GRHL2: variants seen among roughly 807,000 people sequenced by gnomAD.
The protein encoded by GRHL2 is grainyhead-like protein 2 homolog.
A neutral mutation model predicts 83.8 loss-of-function variants in GRHL2; 21 were observed. The observed-to-expected ratio is 0.25, with a 90% CI of 0.18 to 0.36. The LOEUF (loss-of-function observed/expected upper bound fraction) is 0.36. Ranked by LOEUF, GRHL2 falls within the 10% of genes least tolerant of loss-of-function variation. The pLI is 1.00. For synonymous variants in GRHL2, 280 were observed against 278.9 expected, an observed-to-expected ratio of 1.00 and a Z score of -0.04; for missense variants, 623 against 781.8, an observed-to-expected ratio of 0.80 and a Z score of 2.42.
Position 101,650,692 on chromosome 8 carries a change from G to A in GRHL2, c.1698+1193G>A, listed in dbSNP as rs184828246. 4.6e-5 allele frequency among the ~76,000 whole-genome samples: 7 copies of A among 152,062 alleles called. No homozygotes were observed. The South Asian group carries it at 8.3e-4, about 18-fold the overall frequency. ...ACAACTGCTTAATGGGTTTTCTTTG[G>A]GGGGGATGAAAATGTTTCGGAATTA... On this transcript the variant is annotated intron_variant, in intron 14 of 15. Coordinates refer to ENST00000646743, the MANE Select transcript of GRHL2 (RefSeq NM_024915.4).
At position 101,582,300 on chromosome 8, in the gene GRHL2, G is replaced by A. The variant is rs544430285; in HGVS notation, c.1003+4781G>A. On this transcript the variant is annotated intron_variant, in intron 7 of 15. Coordinates refer to ENST00000646743, the MANE Select transcript of GRHL2 (RefSeq NM_024915.4). ...AAAGTCTGATAACACTATTAGCCAA[G>A]GTGGAAGGGGTGGATACTCTCATGC... Among the ~76,000 whole-genome samples, 3 of 152,048 alleles carry A rather than the reference G, an allele frequency of 2.0e-5. No homozygotes were observed. The South Asian group carries it at 6.2e-4, about 32-fold the overall frequency.
intron 4 of GRHL2, among the ~76,000 whole-genome samples, chr8:101,564,877 C>T (rs1043581480): frequency 4.0e-5 from 6 of 150,142 alleles, no homozygotes; most frequent in South Asian, 2.1e-4. Context: ...TATTTTATTC[C>T]ACATCCTCTT....
At chr8:101,550,513 A>G (rs893716822) in intron 2 of GRHL2, among the ~76,000 whole-genome samples, 1 of 152,308 alleles carries the variant, frequency 6.6e-6, no homozygotes, top group African/African-American at 2.4e-5. Context: ...ATCTTGCTGC[A>G]AAGGACATGA....
chr8:101,658,754 A>G (rs1182207865), intron 14 of GRHL2, among the ~76,000 whole-genome samples: 2 of 152,152 alleles, frequency 1.3e-5, no homozygotes, highest in Non-Finnish European at 2.9e-5. Context: ...GAGTGGAAAA[A>G]AGTCCCTATT....
chr8:101,661,984 C>T (rs538944043), intron 14 of GRHL2, among the ~76,000 whole-genome samples: 90 of 152,268 alleles, frequency 5.9e-4, no homozygotes, highest in Non-Finnish European at 1.1e-3. Flanking sequence ...TTTTGCTTTG[C>T]GCTTTGAAAT....
downstream of GRHL2, among the ~76,000 whole-genome samples, chr8:101,673,515 A>C: frequency 9.5e-6 from 1 of 105,524 alleles, no homozygotes; most frequent in African/African-American, 3.9e-5. Context: ...TCCTAAATAT[A>C]TATATTTAGG....
At chr8:101,514,568 G>C (rs558370157) in intron 1 of GRHL2, among the ~76,000 whole-genome samples, 2 of 152,302 alleles carry the variant, frequency 1.3e-5, no homozygotes, top group Admixed American at 6.5e-5. Flanking sequence ...CATGGAATCT[G>C]GGTCAGTACA....
chr8:101,529,342 A>T (rs1285768739), intron 1 of GRHL2: 2 of 177,838 alleles, frequency 1.1e-5, no homozygotes, highest in Non-Finnish European at 2.3e-5. Context: ...CTGAGGCAGG[A>T]TAATCGCTTG....
chr8:101,638,028 G>A (rs1461441189), intron 12 of GRHL2, among the ~76,000 whole-genome samples: 1 of 152,138 alleles, frequency 6.6e-6, no homozygotes, highest in African/African-American at 2.4e-5. Context: ...ATTATATTGG[G>A]AGATTTCTTC....
chr8:101,575,031 G>A (rs1474412), intron 6 of GRHL2, among the ~76,000 whole-genome samples: 44,903 of 151,848 alleles, frequency 0.3, 6,834 homozygotes, highest in East Asian at 0.44. Context: ...CCAGGGCGTC[G>A]GACTCCTGAA....
intron 11 of GRHL2, among the ~76,000 whole-genome samples, chr8:101,633,091 A>T (rs1005657369): frequency 2.0e-5 from 3 of 152,208 alleles, no homozygotes; most frequent in Admixed American, 2.0e-4. Context: ...TCATATTATG[A>T]TCCCAAATAT....
chr8:101,533,578 GT>G (rs1355235045), intron 1 of GRHL2, among the ~76,000 whole-genome samples: 2 of 152,190 alleles, frequency 1.3e-5, no homozygotes, highest in Non-Finnish European at 2.9e-5. Context: ...AAGTTACATT[GT>G]GTTTAAGGAG....
intron 1 of GRHL2, among the ~76,000 whole-genome samples, chr8:101,516,860 A>G (rs569665855): frequency 5.2e-4 from 79 of 152,328 alleles, no homozygotes; most frequent in African/African-American, 1.9e-3. Flanking sequence ...TTCTTCACTT[A>G]TTGCCACCAT....
chr8:101,607,333 G>T (rs953227244), intron 8 of GRHL2, among the ~76,000 whole-genome samples: 1 of 152,194 alleles, frequency 6.6e-6, no homozygotes, highest in Non-Finnish European at 1.5e-5. Context: ...CTGTTTTTCA[G>T]GATGCAAATG....
chr8:101,645,362 A>G (rs1168889775), intron 13 of GRHL2, among the ~76,000 whole-genome samples: 2 of 151,906 alleles, frequency 1.3e-5, no homozygotes, highest in Admixed American at 1.3e-4. Flanking sequence ...CGATCTCTTG[A>G]CCTTGTGATC....
rs529476410 is a variant in GRHL2, at chr8:101,561,142, T to G, written c.678+2330T>G. Among the ~76,000 whole-genome samples, 7 of 151,806 alleles carry G rather than the reference T, an allele frequency of 4.6e-5. No homozygotes were observed. The South Asian group carries it at 1.2e-3, about 27-fold the overall frequency. Reference sequence around the variant, plus strand: ...CATGTCTTTCATGTAGGTTTCTGATTCATTTCGAAGTAATTTTTTTTTTTT... The same window carrying G: ...CATGTCTTTCATGTAGGTTTCTGATGCATTTCGAAGTAATTTTTTTTTTTT... On this transcript the variant is annotated intron_variant, in intron 4 of 15. Transcript: ENST00000646743.
At chr8:101,545,654 G>A (rs1474165453) in intron 2 of GRHL2, among the ~76,000 whole-genome samples, 2 of 151,814 alleles carry the variant, frequency 1.3e-5, no homozygotes, top group African/African-American at 4.8e-5. Context: ...GGGAAGCACA[G>A]AACTCATCAA....
intron 1 of GRHL2, among the ~76,000 whole-genome samples, chr8:101,511,423 C>A (rs1586406257): frequency 1.3e-5 from 2 of 152,212 alleles, no homozygotes; most frequent in East Asian, 3.8e-4. Flanking sequence ...TCTTTTTCAA[C>A]CTCCATCTCC....
chr8:101,654,473 C>CTGT (rs1409247852), intron 14 of GRHL2, among the ~76,000 whole-genome samples: 2 of 152,172 alleles, frequency 1.3e-5, no homozygotes, highest in African/African-American at 4.8e-5. Flanking sequence ...GGAGAACCTG[C>CTGT]TGTTATTGCC....
Sources: allele counts gnomAD v4.1 joint callset (sites outside exome capture counted in the v4.1 genomes callset), GRCh38; gene constraint gnomAD v4.1.1; transcripts MANE v1.5; gene names NCBI Gene and HGNC (gene_info 2026-07-23, HGNC 2026-07-21).